The following NELL1 variants were observed in gnomAD, a reference collection of about 807,000 sequenced individuals.
NELL1 encodes protein kinase C-binding protein NELL1.
In NELL1, 76 loss-of-function variants were observed where a neutral mutation model predicts 107.4. That is an observed-to-expected ratio of 0.71 (90% CI 0.59 to 0.86). NELL1 has a LOEUF of 0.86. Ranked by LOEUF, NELL1 falls within the 40% of genes least tolerant of loss-of-function variation. NELL1 has a pLI of 0.00. For missense variants in NELL1, 1,024 were observed against 1,005.5 expected, an observed-to-expected ratio of 1.02 and a Z score of -0.25; for synonymous variants, 353 against 341.2, an observed-to-expected ratio of 1.03 and a Z score of -0.38.
At chr11:21,403,330 G>T (rs779604512) in intron 15 of NELL1, among the ~76,000 whole-genome samples, 21 of 151,608 alleles carry the variant, frequency 1.4e-4, no homozygotes, top group Non-Finnish European at 2.8e-4. Flanking sequence ...AACCTTCAGG[G>T]ACTCTTAAAT....
chr11:21,172,423 C>A (rs1461816251), intron 13 of NELL1, among the ~76,000 whole-genome samples: 1 of 151,802 alleles, frequency 6.6e-6, no homozygotes, highest in Non-Finnish European at 1.5e-5. Flanking sequence ...TGTGACTTTG[C>A]AGGGCTGAAT....
At chr11:21,323,415 G>A (rs1405754023) in intron 14 of NELL1, among the ~76,000 whole-genome samples, 1 of 152,098 alleles carries the variant, frequency 6.6e-6, no homozygotes, top group Non-Finnish European at 1.5e-5. Flanking sequence ...AAATCTACAT[G>A]AATACTTAAT....
intron 15 of NELL1, among the ~76,000 whole-genome samples, chr11:21,528,511 A>ACCC (rs1554929481): frequency 1.9e-3 from 86 of 46,304 alleles, no homozygotes; most frequent in East Asian, 2.3e-3. Flanking sequence ...GCACATACCC[A>ACCC]CCCCCCCCCC....
chr11:21,099,410 C>G (rs1383590689), intron 12 of NELL1, among the ~76,000 whole-genome samples: 1 of 152,000 alleles, frequency 6.6e-6, no homozygotes, highest in African/African-American at 2.4e-5. Flanking sequence ...CTCATCTCAT[C>G]TTGTGAAGGG....
chr11:21,047,570 A>G (rs1380478287), intron 12 of NELL1, among the ~76,000 whole-genome samples: 2 of 152,146 alleles, frequency 1.3e-5, no homozygotes, highest in Non-Finnish European at 2.9e-5. Context: ...CAGATGTACA[A>G]TTTCTAGAAT....
At chr11:20,971,089 A>G (rs1159842929) in intron 12 of NELL1, among the ~76,000 whole-genome samples, 2 of 152,116 alleles carry the variant, frequency 1.3e-5, no homozygotes, top group Non-Finnish European at 2.9e-5. Context: ...CTTCCCTCTG[A>G]TAACTCAGAT....
chr11:21,467,779 T>C (rs1320348580), intron 15 of NELL1, among the ~76,000 whole-genome samples: 3 of 151,982 alleles, frequency 2.0e-5, no homozygotes, highest in African/African-American at 4.8e-5. Flanking sequence ...TGGGGTGTGA[T>C]TAGATGGTGA....
chr11:21,545,762 T>C (rs1244637215), intron 16 of NELL1, among the ~76,000 whole-genome samples: 1 of 151,998 alleles, frequency 6.6e-6, no homozygotes, highest in African/African-American at 2.4e-5. Context: ...ATCCTATTAC[T>C]TCCTGTGAAC....
intron 14 of NELL1, among the ~76,000 whole-genome samples, chr11:21,274,307 A>G (rs1307185211): frequency 6.6e-6 from 1 of 151,906 alleles, no homozygotes. Context: ...AGACAAGTCC[A>G]TTACATAATG....
In NELL1 at chr11:21,322,450, T is replaced by C. The variant is rs149344571; in HGVS notation, c.1550-48403T>C. On this transcript the variant is annotated intron_variant, in intron 14 of 19. Transcript: ENST00000357134. ...CAAGATGTGGTATCTCCTACAAGAGTAGATTTTAATTTTGTTGACTATAAC... is the reference window on the plus strand; with the variant it reads ...CAAGATGTGGTATCTCCTACAAGAGCAGATTTTAATTTTGTTGACTATAAC... 6.4e-3 allele frequency among the ~76,000 whole-genome samples: 969 copies of C among 152,120 alleles called. 28 individuals carry two copies. Among genetic ancestry groups the C allele is most frequent in the Admixed American group, 0.059 (901 of 15,274 alleles).
At chr11:21,500,627 A>G (rs549738033) in intron 15 of NELL1, among the ~76,000 whole-genome samples, 20 of 152,242 alleles carry the variant, frequency 1.3e-4, no homozygotes, top group African/African-American at 4.6e-4. Context: ...TTTATACGTG[A>G]CATGGCTTTT....
intron 14 of NELL1, among the ~76,000 whole-genome samples, chr11:21,364,822 A>G (rs917706800): frequency 6.6e-6 from 1 of 152,204 alleles, no homozygotes; most frequent in Non-Finnish European, 1.5e-5. Flanking sequence ...CAGGGAGATG[A>G]GAAGGTGAAG....
At chr11:21,436,658 T>C (rs193242707) in intron 15 of NELL1, among the ~76,000 whole-genome samples, 1 of 152,250 alleles carries the variant, frequency 6.6e-6, no homozygotes, top group Non-Finnish European at 1.5e-5. Flanking sequence ...ATATTCATTA[T>C]TTTTCCTCTA....
At chr11:21,463,732 C>A (rs547294885) in intron 15 of NELL1, among the ~76,000 whole-genome samples, 1 of 152,170 alleles carries the variant, frequency 6.6e-6, no homozygotes, top group East Asian at 1.9e-4. Flanking sequence ...TGGCATAAGA[C>A]AATGACCCTA....
chr11:21,526,149 C>T (rs1431524571), intron 15 of NELL1, among the ~76,000 whole-genome samples: 1 of 152,148 alleles, frequency 6.6e-6, no homozygotes, highest in Non-Finnish European at 1.5e-5. Flanking sequence ...GGTAAATACA[C>T]TAATGTGGGA....
chr11:21,054,748 G>T (rs183336950), intron 12 of NELL1, among the ~76,000 whole-genome samples: 297 of 152,024 alleles, frequency 2.0e-3, no homozygotes, highest in Admixed American at 3.7e-3. Context: ...ATTGCAAATT[G>T]ATGTCCTTTG....
chr11:21,458,761 G>A (rs1038347379), intron 15 of NELL1, among the ~76,000 whole-genome samples: 9 of 152,084 alleles, frequency 5.9e-5, no homozygotes, highest in African/African-American at 1.9e-4. Context: ...TACAGTGATC[G>A]AAGGGTTAGT....
rs561075399 is a variant in NELL1, at chr11:21,049,714, G to A, written c.1301-63875G>A. 1.0e-3 allele frequency among the ~76,000 whole-genome samples: 155 copies of A among 151,110 alleles called. 1 individual carries two copies. The highest frequency in any genetic ancestry group is 1.7e-3 in the Non-Finnish European group (116 of 67,834). On this transcript the variant is annotated intron_variant, in intron 12 of 19. Coordinates refer to ENST00000357134, the MANE Select transcript of NELL1 (RefSeq NM_006157.5). ...TTTTTTTGAGATGAAGTCTCTCTCTGTCACCCAGGCTGGAGTGCTGTGGCA... is the reference window on the plus strand; with the variant it reads ...TTTTTTTGAGATGAAGTCTCTCTCTATCACCCAGGCTGGAGTGCTGTGGCA...
rs1425857456 is a variant in NELL1, at chr11:21,549,763, G to A, written c.1787-10426G>A. Among the ~76,000 whole-genome samples the A allele has an allele frequency of 6.6e-5, 10 of 151,800 alleles. 1 individual carries two copies. Among genetic ancestry groups the A allele is most frequent in the Non-Finnish European group, 1.3e-4 (9 of 67,916 alleles). ...CAGCAGTATTAAAGATTTTAAAAACGTAATATGAAAGATTGCCAAAGGTGG... is the reference window on the plus strand; with the variant it reads ...CAGCAGTATTAAAGATTTTAAAAACATAATATGAAAGATTGCCAAAGGTGG... On this transcript the variant is annotated intron_variant, in intron 16 of 19. Coordinates refer to ENST00000357134, the MANE Select transcript of NELL1 (RefSeq NM_006157.5).
Sources: gnomAD v4.1 joint callset for allele counts (sites outside exome capture counted in the v4.1 genomes callset) on GRCh38, gnomAD v4.1.1 for gene constraint, MANE v1.5 for transcripts, NCBI Gene and HGNC (gene_info 2026-07-23, HGNC 2026-07-21) for gene names.